Variants in TSHZ2 observed in about 807,000 individuals in gnomAD.
TSHZ2 encodes the protein teashirt homolog 2.
A neutral mutation model predicts 74.4 loss-of-function variants in TSHZ2; 21 were observed. The observed-to-expected ratio is 0.28, with a 90% CI of 0.20 to 0.41. The LOEUF (loss-of-function observed/expected upper bound fraction) is 0.41. Among genes scored for constraint, TSHZ2 ranks in the 10% least tolerant of loss-of-function variants. TSHZ2 has a pLI of 1.00. For missense variants in TSHZ2, 1,244 were observed against 1,293.5 expected (o/e 0.96, Z 0.59); for synonymous variants, 540 against 515.3 (o/e 1.05, Z -0.65).
intron 1 of TSHZ2, among the ~76,000 whole-genome samples, chr20:53,036,494 CACAT>C (rs1425187847): frequency 6.6e-6 from 1 of 150,896 alleles, no homozygotes; most frequent in Admixed American, 6.6e-5. Context: ...TATACATACA[CACAT>C]ATATAAACAC....
At chr20:53,109,521 C>T (rs746026377) in intron 1 of TSHZ2, among the ~76,000 whole-genome samples, 1 of 152,212 alleles carries the variant, frequency 6.6e-6, no homozygotes. Flanking sequence ...CCTAGCTGGA[C>T]CTGAAGACGT....
rs562318076 is a variant in TSHZ2 at position 52,974,375 on chromosome 20, C to T, written c.40+1042C>T. Among the ~76,000 whole-genome samples the T allele has an allele frequency of 5.9e-5, 9 of 152,266 alleles. No individual in the cohort carries two copies. In the South Asian group the frequency reaches 6.2e-4, roughly 11 times the overall value. ...CCATGGTAACTCAGAGTGCCAGTGA[C>T]GCAAACCTTGCCCTCTATATTCAGA... On this transcript the variant is annotated intron_variant, in intron 1 of 2. Transcript: ENST00000371497.
At chr20:53,371,902 G>T (rs1981488033) in intron 2 of TSHZ2, among the ~76,000 whole-genome samples, 2 of 150,222 alleles carry the variant, frequency 1.3e-5, no homozygotes, top group Middle Eastern at 3.5e-3. Flanking sequence ...AAAAAAAAGA[G>T]TCAGCAGGAC....
chr20:53,384,050 G>A (rs1156285917), intron 2 of TSHZ2, among the ~76,000 whole-genome samples: 3 of 152,040 alleles, frequency 2.0e-5, no homozygotes, highest in Non-Finnish European at 2.9e-5. Flanking sequence ...TGCTATTTTC[G>A]AAACCCGAAG....
intron 1 of TSHZ2, among the ~76,000 whole-genome samples, chr20:53,135,481 C>T (rs1987223350): frequency 6.6e-6 from 1 of 152,230 alleles, no homozygotes; most frequent in African/African-American, 2.4e-5. Context: ...GCCAATTACT[C>T]CTTTGCATTG....
At chr20:53,383,375 A>G (rs1341883342) in intron 2 of TSHZ2, among the ~76,000 whole-genome samples, 1 of 152,184 alleles carries the variant, frequency 6.6e-6, no homozygotes, top group Admixed American at 6.5e-5. Flanking sequence ...ATATAGCCCT[A>G]ATCTTGAGAT....
Position 53,053,777 on chromosome 20 carries a change from A to T in TSHZ2, c.40+80444A>T, listed in dbSNP as rs977823028. 5.3e-5 allele frequency among the ~76,000 whole-genome samples: 8 copies of T among 152,196 alleles called. No individual in the cohort carries two copies. In the East Asian group the frequency reaches 9.6e-4, roughly 18 times the overall value. On this transcript the variant is annotated intron_variant, in intron 1 of 2. Coordinates refer to ENST00000371497, the MANE Select transcript of TSHZ2 (RefSeq NM_173485.6). ...AATTATGCCTCAATGCAAGGGATCC[A>T]TGCCAAAGTAAAAGTCTGCTCAGGC...
chr20:53,101,985 C>CT (rs956622966), intron 1 of TSHZ2, among the ~76,000 whole-genome samples: 3 of 148,700 alleles, frequency 2.0e-5, no homozygotes, highest in East Asian at 1.9e-4. Flanking sequence ...CCTATGAGGA[C>CT]TTTTTTTTAA....
At chr20:53,044,698 T>C (rs940060512) in intron 1 of TSHZ2, among the ~76,000 whole-genome samples, 6 of 152,130 alleles carry the variant, frequency 3.9e-5, no homozygotes, top group Non-Finnish European at 8.8e-5. Context: ...TTGTATGTTT[T>C]GGGGTGCTTT....
intron 2 of TSHZ2, among the ~76,000 whole-genome samples, chr20:53,439,476 A>G (rs1372225723): frequency 6.6e-6 from 1 of 152,160 alleles, no homozygotes; most frequent in Admixed American, 6.5e-5. Context: ...GGCATCCTTT[A>G]TGCTTCTTTG....
rs567903501 is a variant in TSHZ2 at position 53,472,312 on chromosome 20, C to A, written c.*9-14832C>A. On this transcript the variant is annotated intron_variant, in intron 2 of 2. Coordinates refer to ENST00000371497, the MANE Select transcript of TSHZ2 (RefSeq NM_173485.6). ...TGCAGGTGGCCGTGGAAATACAGTT[C>A]GGGAGGATTTCATGACTAGGGTCAG... 5.9e-5 allele frequency among the ~76,000 whole-genome samples: 9 copies of A among 152,204 alleles called. No homozygotes were observed. In the South Asian group the frequency reaches 6.2e-4, roughly 11 times the overall value.
intron 1 of TSHZ2, among the ~76,000 whole-genome samples, chr20:53,034,064 C>T (rs752622903): frequency 5.9e-5 from 9 of 152,260 alleles, no homozygotes; most frequent in Admixed American, 3.9e-4. Flanking sequence ...TCGATAAATA[C>T]TTCTCGAATG....
chr20:53,408,818 G>C (rs1221471361), intron 2 of TSHZ2, among the ~76,000 whole-genome samples: 1 of 152,188 alleles, frequency 6.6e-6, no homozygotes, highest in Non-Finnish European at 1.5e-5. Flanking sequence ...TATCATCCTA[G>C]CTGGCTGATG....
At chr20:53,113,757 C>T (rs1986596769) in intron 1 of TSHZ2, among the ~76,000 whole-genome samples, 1 of 152,152 alleles carries the variant, frequency 6.6e-6, no homozygotes, top group South Asian at 2.1e-4. Flanking sequence ...AGTATTTGTG[C>T]TTTTAATACC....
intron 1 of TSHZ2, among the ~76,000 whole-genome samples, chr20:53,246,217 A>G (rs1288137626): frequency 1.6e-4 from 25 of 151,544 alleles, no homozygotes; most frequent in Non-Finnish European, 2.9e-5. Flanking sequence ...AATTTTTTGT[A>G]TTTTTAGTAG....
intron 1 of TSHZ2, among the ~76,000 whole-genome samples, chr20:53,229,397 A>G (rs1989765801): frequency 6.6e-6 from 1 of 152,164 alleles, no homozygotes; most frequent in South Asian, 2.1e-4. Flanking sequence ...AAAAGCAGCC[A>G]TGTTTTATAT....
chr20:53,456,332 T>C (rs1421873529), intron 2 of TSHZ2, among the ~76,000 whole-genome samples: 2 of 150,442 alleles, frequency 1.3e-5, no homozygotes, highest in Admixed American at 6.6e-5. Context: ...CATTTTTTCA[T>C]GTGTTTTTTG....
intron 2 of TSHZ2, among the ~76,000 whole-genome samples, chr20:53,272,911 T>G (rs1320385034): frequency 2.6e-5 from 4 of 152,266 alleles, no homozygotes; most frequent in Middle Eastern, 3.4e-3. Context: ...AGTAACAATT[T>G]CTGAGAATGA....
At chr20:53,358,114 C>T (rs116540735) in intron 2 of TSHZ2, among the ~76,000 whole-genome samples, 3,064 of 152,116 alleles carry the variant, frequency 0.02, 135 homozygotes, top group African/African-American at 0.07. Flanking sequence ...ACCCAGCACA[C>T]GAACACTCTG....
Sources: gnomAD v4.1 joint callset for allele counts (sites outside exome capture counted in the v4.1 genomes callset) on GRCh38, gnomAD v4.1.1 for gene constraint, MANE v1.5 for transcripts, NCBI Gene and HGNC (gene_info 2026-07-23, HGNC 2026-07-21) for gene names.